Variants in CACNG7 observed in about 807,000 individuals in gnomAD.
The protein encoded by CACNG7 is voltage-dependent calcium channel gamma-7 subunit.
CACNG7 carries 9 observed loss-of-function variants against 26.3 expected under a neutral mutation model. The ratio of observed to expected loss-of-function variants is 0.34; its 90% confidence interval spans 0.21 to 0.60. CACNG7 has a LOEUF of 0.60. Ranked by LOEUF, CACNG7 falls within the 20% of genes least tolerant of loss-of-function variation. The probability of loss-of-function intolerance (pLI) is 0.81; values close to 1 mark genes in which losing one functional copy is unlikely to be tolerated. For synonymous variants in CACNG7, 170 were observed against 157.0 expected (o/e 1.08, Z -0.62); for missense variants, 297 against 380.4 (o/e 0.78, Z 1.82).
At chr19:53,921,696 TCTGGTCATTGGTGGAGCTGTCCCAGG>T (rs1409874361) in intron 4 of CACNG7, among the ~76,000 whole-genome samples, 7 of 95,696 alleles carry the variant, frequency 7.3e-5, no homozygotes, top group South Asian at 3.5e-4. Context: ...TTGCCCCAGG[TCTGGTCATTGGTGGAGCTGTCCCAGG>T]CTGGTCATTG....
intron 4 of CACNG7, among the ~76,000 whole-genome samples, chr19:53,928,618 A>G (rs1030559203): frequency 5.9e-5 from 9 of 152,154 alleles, no homozygotes; most frequent in African/African-American, 2.2e-4. Flanking sequence ...TTGGACCTTA[A>G]GTCTGGGGTT....
At chr19:53,922,230 C>G (rs1223411228) in intron 4 of CACNG7, among the ~76,000 whole-genome samples, 1 of 116,496 alleles carries the variant, frequency 8.6e-6, no homozygotes, top group African/African-American at 3.7e-5. Context: ...GGAGTTGTCC[C>G]CAGGTCTGGT....
At position 53,931,676 on chromosome 19, in the gene CACNG7, G is replaced by A. The variant is rs1337511964; in HGVS notation, c.425-9794G>A. On this transcript the variant is annotated intron_variant, in intron 4 of 5. Coordinates refer to ENST00000391767, the MANE Select transcript of CACNG7 (RefSeq NM_031896.5). The stretch of plus-strand genomic sequence containing the variant: ...GCATCCAGCCTAGGTGACAGAGTAA[G>A]ACTCTGTCTAAAAAAAAAAAAAAAA... 3.2e-5 allele frequency among the ~76,000 whole-genome samples: 3 copies of A among 93,766 alleles called. No individual in the cohort carries two copies. In the Admixed American group the frequency reaches 4.9e-4, roughly 15 times the overall value. The allele number at this position is 93,766 out of a possible 152,430, so 61.5% of individuals were successfully genotyped here. A position where few individuals can be genotyped will look rare whatever the true frequency, so the allele number is the denominator to read the frequency against.
chr19:53,925,260 G>A (rs895374189), intron 4 of CACNG7, among the ~76,000 whole-genome samples: 3 of 140,650 alleles, frequency 2.1e-5, no homozygotes, highest in South Asian at 2.4e-4. Flanking sequence ...CATTGGTGGA[G>A]TTGCCCCAGG....
chr19:53,925,747 G>T (rs117417480), intron 4 of CACNG7, among the ~76,000 whole-genome samples: 2,876 of 152,358 alleles, frequency 0.019, 50 homozygotes, highest in Non-Finnish European at 0.031. Flanking sequence ...GAGGGAAAGA[G>T]ACTGGAAATG....
rs1209438278 is a variant in CACNG7 at position 53,939,582 on chromosome 19, C to T, written c.425-1888C>T. On this transcript the variant is annotated intron_variant, in intron 4 of 5. Transcript: ENST00000391767. This position sits in a 1 kb window ranked among gnomAD's most constrained non-coding sequence, Gnocchi z 4.2. ...CTTTTAGCTTGCTTTCTAGGTTCAT[C>T]CCTATGGTAGCATGAATCAGTATAT... 4.6e-5 allele frequency among the ~76,000 whole-genome samples: 7 copies of T among 152,140 alleles called. No homozygotes were observed. Among genetic ancestry groups the T allele is most frequent in the Admixed American group, 4.6e-4 (7 of 15,266 alleles).
At chr19:53,928,567 A>C (rs73937622) in intron 4 of CACNG7, among the ~76,000 whole-genome samples, 12,082 of 151,842 alleles carry the variant, frequency 0.08, 1,423 homozygotes, top group African/African-American at 0.25. Flanking sequence ...GAGCCACCGC[A>C]CCTGGCAGAA....
chr19:53,932,978 TG>T (rs2069083216), intron 4 of CACNG7, among the ~76,000 whole-genome samples: 1 of 151,938 alleles, frequency 6.6e-6, no homozygotes, highest in South Asian at 2.1e-4. Flanking sequence ...CGGCTAATTT[TG>T]TATTTTAATA....
At chr19:53,925,189 G>T (rs2069016764) in intron 4 of CACNG7, among the ~76,000 whole-genome samples, 1 of 136,508 alleles carries the variant, frequency 7.3e-6, no homozygotes, top group African/African-American at 3.1e-5. Context: ...AGTTGCCCCA[G>T]GTCTGGTCAT....
At position 53,912,587 on chromosome 19, in the gene CACNG7, G is replaced by T. The variant is rs1406919793; in HGVS notation, c.-29-216G>T. The T allele has an allele frequency of 3.9e-6, 2 of 508,314 alleles. No homozygotes were observed. Among genetic ancestry groups the T allele is most frequent in the Non-Finnish European group, 7.0e-6 (2 of 286,750 alleles). 31.5% of individuals were successfully genotyped at this position (508,314 alleles called of 1,614,324 possible). On this transcript the variant is annotated intron_variant, in intron 1 of 5. Coordinates refer to ENST00000391767, the MANE Select transcript of CACNG7 (RefSeq NM_031896.5). The surrounding 1 kb of genome is among the most constrained non-coding windows in gnomAD (Gnocchi z 4.6). Reference sequence around the variant, plus strand: ...TCTGGAGCTAGACCACAGGCAGCAGGTTTGGGGAGCCCAGCCCTGAGGCTG... The same window carrying T: ...TCTGGAGCTAGACCACAGGCAGCAGTTTTGGGGAGCCCAGCCCTGAGGCTG...
chr19:53,935,833 A>G (rs1391756708), intron 4 of CACNG7, among the ~76,000 whole-genome samples: 3 of 149,640 alleles, frequency 2.0e-5, no homozygotes, highest in Non-Finnish European at 4.4e-5. Flanking sequence ...TAGAGACAGG[A>G]TTTCTCCATG....
At chr19:53,918,903 G>A (rs2068915853) in intron 4 of CACNG7, among the ~76,000 whole-genome samples, 1 of 152,056 alleles carries the variant, frequency 6.6e-6, no homozygotes, top group African/African-American at 2.4e-5. Context: ...CGAGTAGCTG[G>A]GATTACAGGC....
intron 5 of CACNG7, 49 bp from the exon 6 acceptor site, chr19:53,941,987 G>C (rs768072016): frequency 1.3e-6 from 2 of 1,522,586 alleles, no homozygotes; most frequent in Non-Finnish European, 1.8e-6. Flanking sequence ...TCGGGGTCCG[G>C]GGATGCGCAG....
chr19:53,924,352 T>G (rs1284044705), intron 4 of CACNG7, among the ~76,000 whole-genome samples: 1 of 142,308 alleles, frequency 7.0e-6, no homozygotes, highest in Non-Finnish European at 1.5e-5. Flanking sequence ...GTCTGGTCAT[T>G]GGTGGAGTTG....
At chr19:53,926,490 A>G (rs1299732190) in intron 4 of CACNG7, among the ~76,000 whole-genome samples, 1 of 152,128 alleles carries the variant, frequency 6.6e-6, no homozygotes, top group Non-Finnish European at 1.5e-5. Flanking sequence ...TTTCTCTGAC[A>G]ACAGTACCTA....
intron 4 of CACNG7, among the ~76,000 whole-genome samples, chr19:53,921,928 GT>G (rs1209379785): frequency 3.3e-5 from 3 of 91,362 alleles, no homozygotes; most frequent in Non-Finnish European, 2.0e-5. Flanking sequence ...TGGTGGAGTT[GT>G]CCCCAGGTCT....
At chr19:53,910,859 G>A (rs1386856202) in intron 1 of CACNG7, among the ~76,000 whole-genome samples, 1 of 152,132 alleles carries the variant, frequency 6.6e-6, no homozygotes, top group Non-Finnish European at 1.5e-5. Context: ...GAAGATCTGT[G>A]ATTGGAAGTC....
chr19:53,917,169 C>T (rs942708670), intron 4 of CACNG7, among the ~76,000 whole-genome samples: 2 of 152,166 alleles, frequency 1.3e-5, no homozygotes, highest in African/African-American at 4.8e-5. Flanking sequence ...TCCAATTCAG[C>T]TAAAATCAGC....
At chr19:53,924,323 A>G (rs1404972645) in intron 4 of CACNG7, among the ~76,000 whole-genome samples, 1 of 125,668 alleles carries the variant, frequency 8.0e-6, no homozygotes, top group African/African-American at 3.2e-5. Context: ...AGGCCTGGTC[A>G]TTGGTGGACT....
Sources: gnomAD v4.1 joint callset for allele counts (sites outside exome capture counted in the v4.1 genomes callset) on GRCh38, gnomAD v4.1.1 for gene constraint, Gnocchi (gnomAD v3.1) non-coding constraint, MANE v1.5 for transcripts, NCBI Gene and HGNC (gene_info 2026-07-23, HGNC 2026-07-21) for gene names.